The following WASF1 variants were observed in gnomAD, a reference collection of about 807,000 sequenced individuals.
The protein encoded by WASF1 is actin-binding protein WASF1.
Under a neutral mutation model 50.5 loss-of-function variants are expected in WASF1, and 7 were observed. That is an observed-to-expected ratio of 0.14 (90% CI 0.08 to 0.26). The LOEUF (loss-of-function observed/expected upper bound fraction) is 0.26. Among genes scored for constraint, WASF1 ranks in the 10% least tolerant of loss-of-function variants. The probability of loss-of-function intolerance (pLI) is 1.00; values close to 1 mark genes in which losing one functional copy is unlikely to be tolerated. For synonymous variants in WASF1, 205 were observed against 244.0 expected, an observed-to-expected ratio of 0.84 and a Z score of 1.49; for missense variants, 470 against 694.7, an observed-to-expected ratio of 0.68 and a Z score of 3.64.
chr6:110,107,977 T>C (rs1037511555), intron 6 of WASF1, among the ~76,000 whole-genome samples: 1 of 151,568 alleles, frequency 6.6e-6, no homozygotes, highest in East Asian at 1.9e-4. Context: ...TCCTGGCTAA[T>C]ACAGTGAAAC....
chr6:110,131,062 A>G (rs551179269), intron 3 of WASF1, among the ~76,000 whole-genome samples: 1 of 152,338 alleles, frequency 6.6e-6, no homozygotes, highest in African/African-American at 2.4e-5. Context: ...TAGAAACACT[A>G]GATATGAGCC....
At chr6:110,151,994 C>T (rs1270301797) in intron 3 of WASF1, among the ~76,000 whole-genome samples, 1 of 152,068 alleles carries the variant, frequency 6.6e-6, no homozygotes, top group African/African-American at 2.4e-5. Flanking sequence ...GCACAACATA[C>T]AGCATGTGGC....
intron 3 of WASF1, among the ~76,000 whole-genome samples, chr6:110,136,576 T>C (rs1264726590): frequency 1.3e-5 from 2 of 152,224 alleles, no homozygotes; most frequent in Non-Finnish European, 2.9e-5. Context: ...ATATTTACCA[T>C]TATTAAGTTT....
chr6:110,162,331 T>G, intron 2 of WASF1, among the ~76,000 whole-genome samples: 1 of 151,074 alleles, frequency 6.6e-6, no homozygotes, highest in East Asian at 1.9e-4. Flanking sequence ...AATTAAGATT[T>G]GTCACGCAGA....
At chr6:110,177,626 CA>C (rs1380872923) in intron 2 of WASF1, among the ~76,000 whole-genome samples, 2 of 152,060 alleles carry the variant, frequency 1.3e-5, no homozygotes, top group Non-Finnish European at 2.9e-5. Context: ...AACCAAGGCA[CA>C]AAGGTGTCCA....
intron 3 of WASF1, among the ~76,000 whole-genome samples, chr6:110,132,782 CAAT>C (rs1774743478): frequency 6.6e-6 from 1 of 151,796 alleles, no homozygotes; most frequent in African/African-American, 2.4e-5. Context: ...TGAGAACATA[CAAT>C]GTTTGGTTTT....
chr6:110,144,291 C>T (rs1363418963), intron 3 of WASF1, among the ~76,000 whole-genome samples: 1 of 152,128 alleles, frequency 6.6e-6, no homozygotes, highest in African/African-American at 2.4e-5. Context: ...ATATCCTTTC[C>T]CCACTTGGTG....
chr6:110,102,038 G>A lies in WASF1; in HGVS notation c.1072C>T (p.Pro358Ser). 2 of 1,535,998 alleles carry A rather than the reference G, an allele frequency of 1.3e-6. No individual in the cohort carries two copies. The highest frequency in any genetic ancestry group is 2.3e-5 in the East Asian group (1 of 44,128). The change falls in exon 10 of 11, where the codon CCT becomes TCT. Residue 358 changes from proline to serine, a missense_variant. Transcript: ENST00000392589. The stretch of plus-strand genomic sequence containing the variant: ...GGAGCTTGCAAAGCAGTGGCTGGAG[G>A]TGGAGGTGGGGGAGGTACTGGAGGG... The part of the protein sequence containing the change: ...PPPPVPPPPP[P>S]PATALQAPAV...
At chr6:110,122,232 T>C (rs1005816435) in intron 4 of WASF1, among the ~76,000 whole-genome samples, 4 of 136,158 alleles carry the variant, frequency 2.9e-5, no homozygotes, top group Admixed American at 1.4e-4. Flanking sequence ...TTTTAAAAAA[T>C]GGAATCCAAA....
chr6:110,135,992 T>C (rs1307733114), intron 3 of WASF1, among the ~76,000 whole-genome samples: 1 of 150,930 alleles, frequency 6.6e-6, no homozygotes, highest in Non-Finnish European at 1.5e-5. Flanking sequence ...CATGCCATTC[T>C]TCTGCCTCAG....
chr6:110,158,535 GGATCCT>G (rs1776122305), intron 3 of WASF1, among the ~76,000 whole-genome samples: 1 of 151,582 alleles, frequency 6.6e-6, no homozygotes, highest in African/African-American at 2.4e-5. Flanking sequence ...TTTTTGAAGA[GGATCCT>G]ATTCGGCCAT....
chr6:110,135,433 C>T (rs917414560), intron 3 of WASF1, among the ~76,000 whole-genome samples: 2 of 152,098 alleles, frequency 1.3e-5, no homozygotes, highest in East Asian at 3.9e-4. Context: ...AAAAATCATG[C>T]TATCAAATGT....
At chr6:110,122,449 GTC>G (rs1349307040) in intron 4 of WASF1, among the ~76,000 whole-genome samples, 4 of 152,130 alleles carry the variant, frequency 2.6e-5, no homozygotes, top group African/African-American at 9.7e-5. Flanking sequence ...AAGCAAAAAA[GTC>G]AGAAATCAAG....
intron 3 of WASF1, among the ~76,000 whole-genome samples, chr6:110,138,853 A>G (rs1352020341): frequency 1.3e-5 from 2 of 152,188 alleles, no homozygotes; most frequent in Non-Finnish European, 2.9e-5. Context: ...CACAGAACTG[A>G]GAGCCCAGCC....
chr6:110,139,236 G>A (rs1331727169), intron 3 of WASF1, among the ~76,000 whole-genome samples: 2 of 152,216 alleles, frequency 1.3e-5, no homozygotes, highest in Non-Finnish European at 2.9e-5. Context: ...GCACTTCCAA[G>A]CCTGTGGGGG....
rs770892689 is a variant in WASF1, at chr6:110,105,391, AC to A, written c.713+15del. ...AATGTTTTATCATTTAAAAAAAAAA[AC>A]AAAAGTAAAGAAACCTTGTTTCAAA... On this transcript the variant is annotated intron_variant, in intron 8 of 10. Coordinates refer to ENST00000392589, the MANE Select transcript of WASF1 (RefSeq NM_003931.3). 6.9e-5 allele frequency: 108 copies of A among 1,576,488 alleles called. No individual in the cohort carries two copies. Among genetic ancestry groups the A allele is most frequent in the Non-Finnish European group, 8.3e-5 (97 of 1,165,888 alleles).
Position 110,159,716 on chromosome 6 carries a change from G to T in WASF1, c.-29+919C>A, listed in dbSNP as rs78913052. Among the ~76,000 whole-genome samples the T allele has an allele frequency of 9.6e-3, 1,457 of 151,930 alleles. 14 individuals are homozygous for T. The highest frequency in any genetic ancestry group is 0.017 in the Non-Finnish European group (1,181 of 67,870). On this transcript the variant is annotated intron_variant, in intron 3 of 10. Coordinates refer to ENST00000392589, the MANE Select transcript of WASF1 (RefSeq NM_003931.3). Reference sequence around the variant, plus strand: ...ATGTAATGAGATCTCTTGGGGATAGGACCCAAGTTTAAACATGAAATTCAT... The same window carrying T: ...ATGTAATGAGATCTCTTGGGGATAGTACCCAAGTTTAAACATGAAATTCAT...
chr6:110,153,451 A>G (rs769563236), intron 3 of WASF1, among the ~76,000 whole-genome samples: 2 of 152,170 alleles, frequency 1.3e-5, no homozygotes, highest in African/African-American at 2.4e-5. Flanking sequence ...ATTTAATAAG[A>G]GCCCTAATAT....
At position 110,100,405 on chromosome 6, in the gene WASF1, G is replaced by T; in HGVS notation, c.*117C>A. On this transcript the variant is annotated 3_prime_UTR_variant, in exon 11 of 11. Transcript: ENST00000392589. ...GAAATCAAAAGTTATGGAGGAAAAG[G>T]GTCATTTATTATAAGGAAAAGAAAG... 2 of 952,126 alleles carry T rather than the reference G, an allele frequency of 2.1e-6. No individual in the cohort carries two copies. Among genetic ancestry groups the T allele is most frequent in the South Asian group, 2.2e-5 (1 of 44,546 alleles). The allele number at this position is 952,126 out of a possible 1,614,324, so 59.0% of individuals were successfully genotyped here.
Sources: gnomAD v4.1 joint callset for allele counts (sites outside exome capture counted in the v4.1 genomes callset) on GRCh38, gnomAD v4.1.1 for gene constraint, MANE v1.5 for transcripts, NCBI Gene and HGNC (gene_info 2026-07-23, HGNC 2026-07-21) for gene names.